The following BNC2 variants were observed in gnomAD, a reference collection of about 807,000 sequenced individuals.
BNC2 encodes the protein basonuclin zinc finger protein 2.
A neutral mutation model predicts 76.3 loss-of-function variants in BNC2; 20 were observed. That is an observed-to-expected ratio of 0.26 (90% CI 0.18 to 0.38). BNC2 has a LOEUF of 0.38. Among genes scored for constraint, BNC2 ranks in the 10% least tolerant of loss-of-function variants. The pLI is 1.00. For synonymous variants in BNC2, 582 were observed against 514.8 expected (o/e 1.13, Z -1.77); for missense variants, 1,382 against 1,399.8 (o/e 0.99, Z 0.20).
At chr9:16,504,758 G>A (rs899282929) in intron 5 of BNC2, among the ~76,000 whole-genome samples, 5 of 152,160 alleles carry the variant, frequency 3.3e-5, no homozygotes, top group African/African-American at 1.2e-4. Flanking sequence ...GAGGCGGCAG[G>A]ATCACTTGAG....
chr9:16,455,957 A>C (rs1821439134), intron 5 of BNC2, among the ~76,000 whole-genome samples: 1 of 152,212 alleles, frequency 6.6e-6, no homozygotes, highest in African/African-American at 2.4e-5. Context: ...CAACTTTTAT[A>C]ATTAGTGAAT....
chr9:16,648,506 T>C (rs1273748641), intron 3 of BNC2, among the ~76,000 whole-genome samples: 1 of 152,226 alleles, frequency 6.6e-6, no homozygotes, highest in Non-Finnish European at 1.5e-5. Flanking sequence ...GGAATTCCTT[T>C]GGCTTCCTCG....
At chr9:16,670,961 G>C (rs963401407) in intron 3 of BNC2, among the ~76,000 whole-genome samples, 6 of 152,112 alleles carry the variant, frequency 3.9e-5, no homozygotes, top group South Asian at 2.1e-4. Flanking sequence ...TGCCCCACCT[G>C]AGTCATGCTT....
chr9:16,761,628 T>G (rs1354534582), intron 1 of BNC2, among the ~76,000 whole-genome samples: 2 of 152,322 alleles, frequency 1.3e-5, no homozygotes, highest in East Asian at 3.9e-4. Flanking sequence ...TACTCGTAAG[T>G]TCAGGATTCT....
chr9:16,731,107 A>G (rs538154824), intron 2 of BNC2, among the ~76,000 whole-genome samples: 1 of 152,342 alleles, frequency 6.6e-6, no homozygotes, highest in South Asian at 2.1e-4. Context: ...TTTTACAGAC[A>G]CAGGTACAAA....
intron 4 of BNC2, among the ~76,000 whole-genome samples, chr9:16,571,930 C>T (rs1819336169): frequency 6.6e-6 from 1 of 151,804 alleles, no homozygotes; most frequent in Admixed American, 6.6e-5. Flanking sequence ...TTTTAAGGGG[C>T]CTTGTGATGG....
chr9:16,661,416 A>T (rs1822107062), intron 3 of BNC2, among the ~76,000 whole-genome samples: 1 of 152,196 alleles, frequency 6.6e-6, no homozygotes, highest in South Asian at 2.1e-4. Context: ...TCAATAGTAT[A>T]TGGGGAAGTG....
intron 3 of BNC2, among the ~76,000 whole-genome samples, chr9:16,620,089 T>A (rs143756598): frequency 0.011 from 1,608 of 152,282 alleles, 30 homozygotes; most frequent in African/African-American, 0.037. Flanking sequence ...ATGTAATGAA[T>A]GACAGAACAC....
At chr9:16,625,010 C>T (rs899577005) in intron 3 of BNC2, among the ~76,000 whole-genome samples, 1 of 152,176 alleles carries the variant, frequency 6.6e-6, no homozygotes, top group Admixed American at 6.5e-5. Context: ...TTGGTGCAGT[C>T]GGAGTGCACA....
At chr9:16,640,393 C>T (rs143419973) in intron 3 of BNC2, among the ~76,000 whole-genome samples, 1 of 152,288 alleles carries the variant, frequency 6.6e-6, no homozygotes, top group African/African-American at 2.4e-5. Context: ...CTAATTTTGA[C>T]ACTTTTACAA....
At chr9:16,729,574 C>CA (rs1296929452) in intron 2 of BNC2, among the ~76,000 whole-genome samples, 3 of 152,016 alleles carry the variant, frequency 2.0e-5, no homozygotes, top group South Asian at 4.2e-4. Flanking sequence ...CCATTAAGCA[C>CA]AAAAAAGTCT....
chr9:16,595,769 A>C (rs1820049336), intron 3 of BNC2, among the ~76,000 whole-genome samples: 1 of 152,144 alleles, frequency 6.6e-6, no homozygotes, highest in African/African-American at 2.4e-5. Flanking sequence ...GACAGGAAAA[A>C]ACAGACTGAC....
At chr9:16,827,948 T>A (rs1818491629) in intron 1 of BNC2, among the ~76,000 whole-genome samples, 1 of 152,212 alleles carries the variant, frequency 6.6e-6, no homozygotes, top group South Asian at 2.1e-4. Flanking sequence ...CATAAAGTGA[T>A]CAAAGATGGC....
chr9:16,815,014 C>A (rs1347532475), intron 1 of BNC2, among the ~76,000 whole-genome samples: 2 of 151,882 alleles, frequency 1.3e-5, no homozygotes, highest in Admixed American at 1.3e-4. Flanking sequence ...GAATAAGCTA[C>A]CATGAAAAGA....
At chr9:16,820,156 T>C (rs1260670237) in intron 1 of BNC2, among the ~76,000 whole-genome samples, 1 of 138,336 alleles carries the variant, frequency 7.2e-6, no homozygotes, top group Non-Finnish European at 1.5e-5. Flanking sequence ...CTGGGCGTGG[T>C]CGCTCACATC....
intron 3 of BNC2, among the ~76,000 whole-genome samples, chr9:16,705,451 C>T (rs779771173): frequency 6.6e-6 from 1 of 152,164 alleles, no homozygotes; most frequent in Non-Finnish European, 1.5e-5. Flanking sequence ...ACCCCTGACC[C>T]CTTGCATTGT....
intron 3 of BNC2, chr9:16,727,490 C>A (rs964194988): frequency 3.2e-6 from 1 of 313,824 alleles, no homozygotes; most frequent in Non-Finnish European, 5.8e-6. Context: ...TCATTCTCAA[C>A]AGAAAACAAA....
At chr9:16,593,975 T>C (rs1467629503) in intron 3 of BNC2, among the ~76,000 whole-genome samples, 1 of 152,192 alleles carries the variant, frequency 6.6e-6, no homozygotes, top group Non-Finnish European at 1.5e-5. Flanking sequence ...TCCATTGATA[T>C]ATATTTTATT....
chr9:16,855,362 T>G (rs536768470), intron 1 of BNC2, among the ~76,000 whole-genome samples: 1 of 152,302 alleles, frequency 6.6e-6, no homozygotes, highest in Admixed American at 6.5e-5. Context: ...TCATCTGTAA[T>G]ACCTATGGCA....
Sources: allele counts gnomAD v4.1 joint callset (sites outside exome capture counted in the v4.1 genomes callset), GRCh38; gene constraint gnomAD v4.1.1; transcripts MANE v1.5; gene names NCBI Gene and HGNC (gene_info 2026-07-23, HGNC 2026-07-21).